Variants in EML4 observed in about 807,000 individuals in gnomAD.
The protein encoded by EML4 is EMAP like 4.
Under a neutral mutation model 129.0 loss-of-function variants are expected in EML4, and 72 were observed. That is an observed-to-expected ratio of 0.56 (90% CI 0.46 to 0.68). The LOEUF is 0.68. Among genes scored for constraint, EML4 ranks in the 30% least tolerant of loss-of-function variants. The pLI is 0.00. For synonymous variants in EML4, 532 were observed against 405.0 expected (o/e 1.31, Z -3.77); for missense variants, 1,363 against 1,190.6 (o/e 1.14, Z -2.13).
At chr2:42,214,673 A>G (rs528260415) in intron 1 of EML4, among the ~76,000 whole-genome samples, 1 of 152,258 alleles carries the variant, frequency 6.6e-6, no homozygotes, top group South Asian at 2.1e-4. Context: ...CTAAGGATAC[A>G]TGGTGATATG....
Position 42,286,507 on chromosome 2 carries a change from C to G in EML4, c.1122+128C>G, listed in dbSNP as rs1179796837. 1.1e-5 allele frequency: 7 copies of G among 654,546 alleles called. No homozygotes were observed. The East Asian group carries it at 1.8e-4, about 17-fold the overall frequency. 40.5% of individuals were successfully genotyped at this position (654,546 alleles called of 1,614,324 possible). A position where few individuals can be genotyped will look rare whatever the true frequency, so the allele number is the denominator to read the frequency against. ...TTGAAAAATGAGATGCTAGCTATTGCTAACATATTAGCTATTGCTAAATGG... is the reference window on the plus strand; with the variant it reads ...TTGAAAAATGAGATGCTAGCTATTGGTAACATATTAGCTATTGCTAAATGG... On this transcript the variant is annotated intron_variant, in intron 10 of 22. Transcript: ENST00000318522.
intron 2 of EML4, among the ~76,000 whole-genome samples, chr2:42,247,215 A>G (rs1186764180): frequency 6.6e-6 from 1 of 152,192 alleles, no homozygotes; most frequent in Non-Finnish European, 1.5e-5. Flanking sequence ...TTGAGAAGGG[A>G]TCTTTGAGAA....
At chr2:42,274,343 G>T (rs767066640) in intron 6 of EML4, among the ~76,000 whole-genome samples, 1 of 152,136 alleles carries the variant, frequency 6.6e-6, no homozygotes, top group Non-Finnish European at 1.5e-5. Context: ...CAATCTAAAC[G>T]TTCAGAAGGC....
At chr2:42,239,698 C>T (rs371017451) in intron 1 of EML4, among the ~76,000 whole-genome samples, 1 of 114,446 alleles carries the variant, frequency 8.7e-6, no homozygotes, top group Admixed American at 1.2e-4. Flanking sequence ...AACCAGGGGG[C>T]AATTAGAAAA....
chr2:42,183,948 G>C (rs1229661386), intron 1 of EML4, among the ~76,000 whole-genome samples: 1 of 152,146 alleles, frequency 6.6e-6, no homozygotes, highest in Non-Finnish European at 1.5e-5. Context: ...GTACCACCAG[G>C]ATGAGGTCAC....
At chr2:42,246,863 C>A (rs868321706) in intron 2 of EML4, among the ~76,000 whole-genome samples, 49 of 152,092 alleles carry the variant, frequency 3.2e-4, no homozygotes, top group Non-Finnish European at 1.5e-5. Context: ...CCATTGGATT[C>A]GGCATTTACA....
At chr2:42,184,238 A>C (rs1417597184) in intron 1 of EML4, among the ~76,000 whole-genome samples, 1 of 151,370 alleles carries the variant, frequency 6.6e-6, no homozygotes, top group Non-Finnish European at 1.5e-5. Flanking sequence ...TCTTTTTTTC[A>C]TTATTATTAT....
chr2:42,263,039 C>A, intron 4 of EML4, 139 bp from the exon 5 acceptor site: 1 of 653,270 alleles, frequency 1.5e-6, no homozygotes, highest in Non-Finnish European at 2.6e-6. Context: ...CTCATCCAGG[C>A]AGTCTTTCAA....
At chr2:42,316,602 T>G (rs1236453083) in intron 18 of EML4, among the ~76,000 whole-genome samples, 11 of 152,244 alleles carry the variant, frequency 7.2e-5, no homozygotes, top group Admixed American at 6.5e-4. Flanking sequence ...ATTCACAATA[T>G]TAAGTTTCTG....
At chr2:42,212,888 G>A (rs1158664317) in intron 1 of EML4, among the ~76,000 whole-genome samples, 2 of 152,206 alleles carry the variant, frequency 1.3e-5, no homozygotes, top group Non-Finnish European at 2.9e-5. Context: ...CTAAGAGTCT[G>A]AAAACCTGTA....
chr2:42,306,527 C>G (rs1375683768), intron 17 of EML4, among the ~76,000 whole-genome samples: 2 of 93,510 alleles, frequency 2.1e-5, no homozygotes, highest in East Asian at 1.3e-3. Flanking sequence ...GAGTCTCGCT[C>G]TGTCACCCAA....
intron 1 of EML4, among the ~76,000 whole-genome samples, chr2:42,176,315 G>T (rs1324499844): frequency 1.3e-5 from 2 of 152,090 alleles, no homozygotes; most frequent in African/African-American, 2.4e-5. Context: ...GTGGATTATT[G>T]CATGGCGTCG....
At chr2:42,192,942 G>A (rs1671686912) in intron 1 of EML4, among the ~76,000 whole-genome samples, 1 of 152,110 alleles carries the variant, frequency 6.6e-6, no homozygotes, top group Non-Finnish European at 1.5e-5. Context: ...TCATGAAACT[G>A]CTTTGCAGAC....
At chr2:42,213,855 G>A (rs963594015) in intron 1 of EML4, among the ~76,000 whole-genome samples, 4 of 152,116 alleles carry the variant, frequency 2.6e-5, no homozygotes, top group South Asian at 2.1e-4. Context: ...TAAAATTAAG[G>A]ATATTGATGA....
intron 13 of EML4, among the ~76,000 whole-genome samples, chr2:42,296,575 A>G (rs941541741): frequency 6.6e-6 from 1 of 152,120 alleles, no homozygotes; most frequent in Non-Finnish European, 1.5e-5. Flanking sequence ...GTGCTCAGAA[A>G]GACCCGATTT....
At chr2:42,213,053 A>G (rs533422030) in intron 1 of EML4, among the ~76,000 whole-genome samples, 3 of 152,354 alleles carry the variant, frequency 2.0e-5, no homozygotes, top group East Asian at 1.9e-4. Context: ...CATAGTATCA[A>G]TAATGAAATA....
chr2:42,245,534 G>A lies in EML4; in HGVS notation c.55G>A (p.Asp19Asn), dbSNP rs759897283. Residue 19 changes from aspartate to asparagine, a missense_variant, in exon 2 of 23, where the codon GAT becomes AAT. By Grantham distance (23) the Asp-to-Asn change is conservative. Coordinates refer to ENST00000318522, the MANE Select transcript of EML4 (RefSeq NM_019063.5). Reference sequence around the variant, plus strand: ...TAGTATTTCTGCTGCAAGTACTTCTGATGTTCAAGATCGCCTGTCAGCTCT... The same window carrying A: ...TAGTATTTCTGCTGCAAGTACTTCTAATGTTCAAGATCGCCTGTCAGCTCT... Reference protein sequence around the residue: ...DDSISAASTSDVQDRLSALES... With the variant: ...DDSISAASTSNVQDRLSALES... The A allele has an allele frequency of 6.2e-7, 1 of 1,613,266 alleles. No individual in the cohort carries two copies. The highest frequency in any genetic ancestry group is 8.5e-7 in the Non-Finnish European group (1 of 1,179,616).
At chr2:42,317,862 C>G (rs957103848) in intron 19 of EML4, among the ~76,000 whole-genome samples, 9 of 152,280 alleles carry the variant, frequency 5.9e-5, no homozygotes, top group Admixed American at 5.9e-4. Context: ...ATCTTAACTC[C>G]TATGATTCTG....
At chr2:42,295,025 A>C in intron 11 of EML4, 100 bp from the exon 12 acceptor site, 1 of 1,094,476 alleles carries the variant, frequency 9.1e-7, no homozygotes, top group Non-Finnish European at 1.3e-6. Flanking sequence ...ATTTTCTCAA[A>C]ATCTTGCCCT....
Sources: allele counts gnomAD v4.1 joint callset (sites outside exome capture counted in the v4.1 genomes callset), GRCh38; gene constraint gnomAD v4.1.1; transcripts MANE v1.5; gene names NCBI Gene and HGNC (gene_info 2026-07-23, HGNC 2026-07-21).